The following IL27RA variants were observed in gnomAD, a reference collection of about 807,000 sequenced individuals.
The protein encoded by IL27RA is interleukin-27 receptor subunit alpha.
IL27RA carries 61 observed loss-of-function variants against 80.8 expected under a neutral mutation model. The ratio of observed to expected loss-of-function variants is 0.76; its 90% CI spans 0.61 to 0.93. The LOEUF is 0.93. IL27RA is among the 40% of genes least tolerant of loss of function. The pLI, the probability that IL27RA is intolerant of heterozygous loss-of-function variation, is 0.00. For missense variants in IL27RA, 735 were observed against 808.1 expected (o/e 0.91, Z 1.10); for synonymous variants, 316 against 332.5 (o/e 0.95, Z 0.54).
Position 14,042,890 on chromosome 19 carries a change from A to G in IL27RA, c.768+101A>G, listed in dbSNP as rs755742517. ...GCAGTGGCTCACGCTTGTAATCCCAACACTGCTGTGGGAGGCCGAGGAGGG... is the reference window on the plus strand; with the variant it reads ...GCAGTGGCTCACGCTTGTAATCCCAGCACTGCTGTGGGAGGCCGAGGAGGG... On this transcript the variant is annotated intron_variant, in intron 6 of 13. Transcript: ENST00000263379. The G allele has an allele frequency of 1.2e-5, 13 of 1,080,094 alleles. No individual in the cohort carries two copies. The East Asian group carries it at 1.7e-4, about 14-fold the overall frequency. 66.9% of individuals were successfully genotyped at this position (1,080,094 alleles called of 1,614,324 possible). A position where few individuals can be genotyped will look rare whatever the true frequency, so the allele number is the denominator to read the frequency against.
In IL27RA at chr19:14,031,861, C is replaced by T; in HGVS notation, c.-12C>T. On this transcript the variant is annotated 5_prime_UTR_variant, in exon 1 of 14. Coordinates refer to ENST00000263379, the MANE Select transcript of IL27RA (RefSeq NM_004843.4). The stretch of plus-strand genomic sequence containing the variant: ...CAAGGCTGGGCCGGACTCGGGGCTC[C>T]CGAGGGACGCCATGCGGGGAGGCAG... The T allele has an allele frequency of 6.3e-7, 1 of 1,585,180 alleles. No individual in the cohort carries two copies.
rs771782958 is a variant in IL27RA, at chr19:14,052,178, C to T, written c.1799C>T (p.Ser600Phe). 4 of 1,612,456 alleles carry T rather than the reference C, an allele frequency of 2.5e-6. No individual in the cohort carries two copies. In the East Asian group the frequency reaches 8.9e-5, roughly 36 times the overall value. ...GAGCCCCCGCCGGTTATGGAGTCCTCCCAGCCCGCCCAGGCCACCGCCCCG... is the reference window on the plus strand; with the variant it reads ...GAGCCCCCGCCGGTTATGGAGTCCTTCCAGCCCGCCCAGGCCACCGCCCCG... ...EMEPPPVMES[S>F]QPAQATAPLD... Residue 600 changes from serine (S) to phenylalanine (F), a missense_variant, in exon 14 of 14, where the codon TCC (serine) becomes TTC (phenylalanine). Transcript: ENST00000263379.
intron 2 of IL27RA, 67 bp from the exon 3 acceptor site, chr19:14,039,441 A>T: frequency 6.5e-7 from 1 of 1,537,766 alleles, no homozygotes; most frequent in South Asian, 1.2e-5. Flanking sequence ...CTGTTGGCAC[A>T]AGGGTGGTTA....
rs1976120127 is a variant in IL27RA at position 14,049,223 on chromosome 19, G to A, written c.1311G>A (p.Trp437Ter). 2 of 1,614,104 alleles carry A rather than the reference G, an allele frequency of 1.2e-6. No individual in the cohort carries two copies. Among genetic ancestry groups the A allele is most frequent in the Non-Finnish European group, 8.5e-7 (1 of 1,180,006 alleles). ...DAPPGTPAIA[W>*]GEVPRHQLRG... is the part of the protein sequence containing the mutation. Reference sequence around the variant, plus strand: ...CTCCAGGGACCCCCGCCATAGCGTGGGGAGAGGTCCCAAGGCACCAGCTTC... The same window carrying A: ...CTCCAGGGACCCCCGCCATAGCGTGAGGAGAGGTCCCAAGGCACCAGCTTC... Residue 437 changes from tryptophan to a stop codon, truncating the protein, a stop_gained, in exon 10 of 14, where the codon TGG (tryptophan) becomes TGA (stop). Transcript: ENST00000263379. LOFTEE classifies it high-confidence loss of function.
At chr19:14,045,923 G>A (rs1447455112) in intron 6 of IL27RA, among the ~76,000 whole-genome samples, 1 of 152,050 alleles carries the variant, frequency 6.6e-6, no homozygotes, top group Non-Finnish European at 1.5e-5. Flanking sequence ...TACTCAGGAG[G>A]CTGAGGCAGG....
chr19:14,048,961 T>G lies in IL27RA; in HGVS notation c.1142-20T>G, dbSNP rs1436452655. 6 of 1,525,118 alleles carry G rather than the reference T, an allele frequency of 3.9e-6. No homozygotes were observed. The highest frequency in any genetic ancestry group is 3.4e-4 in the Middle Eastern group (2 of 5,804). 94.5% of individuals were successfully genotyped at this position (1,525,118 alleles called of 1,614,324 possible). A position where few individuals can be genotyped will look rare whatever the true frequency, so the allele number is the denominator to read the frequency against. On this transcript the variant is annotated intron_variant, in intron 8 of 13. Coordinates refer to ENST00000263379, the MANE Select transcript of IL27RA (RefSeq NM_004843.4). ...GAAGGAGAGCCAACTCTAACTGGTC[T>G]TTATTTCTTTGTCACTCAGGGAATT...
At chr19:14,038,081 C>T (rs1242781905) in intron 2 of IL27RA, among the ~76,000 whole-genome samples, 2 of 151,936 alleles carry the variant, frequency 1.3e-5, no homozygotes, top group Non-Finnish European at 2.9e-5. Context: ...CCACCTGCCT[C>T]GGGCTCCCAA....
intron 4 of IL27RA, among the ~76,000 whole-genome samples, chr19:14,041,412 G>T (rs1975987619): frequency 6.6e-6 from 1 of 151,710 alleles, no homozygotes; most frequent in Non-Finnish European, 1.5e-5. Flanking sequence ...ATTTGGCCAG[G>T]CTGGTCTCGA....
At chr19:14,047,604 G>A (rs1026941913) in intron 8 of IL27RA, among the ~76,000 whole-genome samples, 3 of 149,570 alleles carry the variant, frequency 2.0e-5, no homozygotes, top group Admixed American at 6.7e-5. Context: ...AGATCCACCC[G>A]CATTGGCCTC....
chr19:14,042,812 A>T (rs1014886094), intron 6 of IL27RA, 23 bp downstream of exon 6: 1 of 1,601,738 alleles, frequency 6.2e-7, no homozygotes. Flanking sequence ...CACCAGTTAC[A>T]TTTCTCTGCA....
chr19:14,046,101 A>G (rs886234498), intron 6 of IL27RA, 53 bp from the exon 7 acceptor site: 27 of 1,536,236 alleles, frequency 1.8e-5, no homozygotes, highest in African/African-American at 2.7e-5. Context: ...GGAGACACAT[A>G]TATGTGCGTG....
intron 10 of IL27RA, 84 bp from the exon 11 acceptor site, chr19:14,050,674 T>A (rs953123153): frequency 7.9e-5 from 112 of 1,410,216 alleles, no homozygotes; most frequent in Admixed American, 3.9e-5. Flanking sequence ...TGGGAGAGAG[T>A]GTTGCAGACA....
chr19:14,039,960 G>T, intron 4 of IL27RA, 50 bp downstream of exon 4: 1 of 1,576,354 alleles, frequency 6.3e-7, no homozygotes, highest in Non-Finnish European at 8.7e-7. Context: ...CGGGGACTGA[G>T]GCAACATCTC....
chr19:14,041,662 G>A (rs887085289), intron 4 of IL27RA, among the ~76,000 whole-genome samples: 2 of 152,132 alleles, frequency 1.3e-5, no homozygotes, highest in Non-Finnish European at 2.9e-5. Context: ...AGCACATAGA[G>A]TGACCACCTT....
Position 14,032,492 on chromosome 19 carries a change from G to C in IL27RA, c.207G>C (p.Gln69His), listed in dbSNP as rs1421533631. The part of the protein sequence containing the change: ...DLGAPSELHL[Q>H]SQKYRSNKTQ... ...GAGCCCCCTCCGAGTTACACCTCCAGAGCCAAAAGTAGTGAGTACAGGGAG... is the reference window on the plus strand; with the variant it reads ...GAGCCCCCTCCGAGTTACACCTCCACAGCCAAAAGTAGTGAGTACAGGGAG... The change falls in exon 2 of 14, where the codon CAG becomes CAC. Residue 69 changes from glutamine (Q) to histidine (H), a missense_variant. Gln to His is a conservative substitution (Grantham distance 24). Coordinates refer to ENST00000263379, the MANE Select transcript of IL27RA (RefSeq NM_004843.4). The C allele has an allele frequency of 6.2e-7, 1 of 1,611,616 alleles. No homozygotes were observed. Among genetic ancestry groups the C allele is most frequent in the African/African-American group, 1.3e-5 (1 of 74,936 alleles).
chr19:14,032,637 A>C, intron 2 of IL27RA, 134 bp downstream of exon 2: 1 of 351,740 alleles, frequency 2.8e-6, no homozygotes, highest in Non-Finnish European at 5.2e-6. Flanking sequence ...AAAAATACAA[A>C]AAAAAAAAAA....
At position 14,037,024 on chromosome 19, in the gene IL27RA, C is replaced by T. The variant is rs147206833; in HGVS notation, c.219-2484C>T. Among the ~76,000 whole-genome samples, 1,416 of 151,678 alleles carry T rather than the reference C, an allele frequency of 9.3e-3. 19 individuals are homozygous for T. The highest frequency in any genetic ancestry group is 0.032 in the African/African-American group (1,313 of 41,344). ...CTAATTTTTGTATTTTTAATAGAGA[C>T]GGGGTTTCGCCATGTTTGTCAGGCT... On this transcript the variant is annotated intron_variant, in intron 2 of 13. Coordinates refer to ENST00000263379, the MANE Select transcript of IL27RA (RefSeq NM_004843.4).
intron 1 of IL27RA, 134 bp from the exon 2 acceptor site, chr19:14,032,252 A>G: frequency 1.3e-6 from 1 of 761,128 alleles, no homozygotes; most frequent in Admixed American, 2.2e-5. Flanking sequence ...AGGGGTGCCT[A>G]GCGCCTCCCT....
intron 2 of IL27RA, 68 bp from the exon 3 acceptor site, chr19:14,039,440 C>T: frequency 6.5e-7 from 1 of 1,536,846 alleles, no homozygotes; most frequent in East Asian, 2.3e-5. Context: ...TCTGTTGGCA[C>T]AAGGGTGGTT....
Sources: gnomAD v4.1 joint callset for allele counts (sites outside exome capture counted in the v4.1 genomes callset) on GRCh38, gnomAD v4.1.1 for gene constraint, MANE v1.5 for transcripts, NCBI Gene and HGNC (gene_info 2026-07-23, HGNC 2026-07-21) for gene names.